The following RANBP17 variants were observed in gnomAD, a reference collection of about 807,000 sequenced individuals.
The protein encoded by RANBP17 is RAN binding protein 17.
In RANBP17, 158 loss-of-function variants were observed where a neutral mutation model predicts 141.2. The ratio of observed to expected loss-of-function variants is 1.12; its 90% CI spans 0.98 to 1.28. RANBP17 has a LOEUF of 1.28. Ranked by LOEUF, RANBP17 falls within the 50% of genes most tolerant of loss-of-function variation. The pLI is 0.00. For missense variants in RANBP17, 1,438 were observed against 1,290.7 expected (o/e 1.11, Z -1.75); for synonymous variants, 430 against 450.0 (o/e 0.96, Z 0.56).
intron 12 of RANBP17, among the ~76,000 whole-genome samples, chr5:170,929,591 T>A (rs775488685): frequency 1.3e-5 from 2 of 152,198 alleles, no homozygotes; most frequent in Non-Finnish European, 2.9e-5. Context: ...ATATAATGTT[T>A]CTTTAGAAAT....
chr5:170,868,794 T>G (rs1446796683), intron 1 of RANBP17, among the ~76,000 whole-genome samples: 2 of 152,208 alleles, frequency 1.3e-5, no homozygotes, highest in African/African-American at 4.8e-5. Flanking sequence ...AAAACTAAGA[T>G]GAAAATTTAT....
chr5:171,091,476 G>A (rs887876206), intron 14 of RANBP17, among the ~76,000 whole-genome samples: 6 of 152,208 alleles, frequency 3.9e-5, no homozygotes, highest in African/African-American at 1.4e-4. Context: ...ACTTTGGACT[G>A]TGGGCTTTTG....
intron 14 of RANBP17, among the ~76,000 whole-genome samples, chr5:171,127,322 C>T (rs1756548529): frequency 6.6e-6 from 1 of 152,116 alleles, no homozygotes; most frequent in Non-Finnish European, 1.5e-5. Context: ...AGGAATATAT[C>T]TCAACATAAG....
intron 14 of RANBP17, among the ~76,000 whole-genome samples, chr5:170,976,476 G>C (rs1206416185): frequency 6.6e-6 from 1 of 152,124 alleles, no homozygotes; most frequent in East Asian, 1.9e-4. Flanking sequence ...TGCAGGAATT[G>C]ACAAGCTTAT....
At chr5:171,103,007 C>T (rs771024293) in intron 14 of RANBP17, among the ~76,000 whole-genome samples, 19 of 152,140 alleles carry the variant, frequency 1.2e-4, no homozygotes, top group Non-Finnish European at 2.5e-4. Flanking sequence ...AGATGCGAGC[C>T]GGAGCTCTCC....
rs527631750 is a variant in RANBP17 at position 171,016,313 on chromosome 5, AT to A, written c.1710+47943del. On this transcript the variant is annotated intron_variant, in intron 14 of 27. Transcript: ENST00000523189. ...TACTCTATATTGGCACAAGTTTTAA[AT>A]TTTTTTGGAAAATTTTTCAAAATTT... 5.8e-3 allele frequency among the ~76,000 whole-genome samples: 885 copies of A among 151,756 alleles called. 8 individuals carry two copies. The highest frequency in any genetic ancestry group is 0.02 in the African/African-American group (844 of 41,426).
chr5:171,259,788 C>T (rs1426563589), intron 24 of RANBP17, among the ~76,000 whole-genome samples: 2 of 151,914 alleles, frequency 1.3e-5, no homozygotes, highest in Non-Finnish European at 2.9e-5. Context: ...TGAGACCAGC[C>T]TGGCCAACAT....
chr5:171,143,856 G>C lies in RANBP17; in HGVS notation c.1711-26274G>C, dbSNP rs144004395. Among the ~76,000 whole-genome samples, 567 of 152,282 alleles carry C rather than the reference G, an allele frequency of 3.7e-3. 2 individuals carry two copies. The highest frequency in any genetic ancestry group is 6.0e-3 in the Non-Finnish European group (410 of 68,016). On this transcript the variant is annotated intron_variant, in intron 14 of 27. Transcript: ENST00000523189. Reference sequence around the variant, plus strand: ...GATTTTGCCAGGTTGAAAAGGAGAGGATAATTATTCTCAGCTGAGGGAACA... The same window carrying C: ...GATTTTGCCAGGTTGAAAAGGAGAGCATAATTATTCTCAGCTGAGGGAACA...
intron 14 of RANBP17, chr5:170,968,639 A>G (rs1776767025): frequency 1.9e-6 from 1 of 525,148 alleles, no homozygotes; most frequent in East Asian, 4.6e-5. Flanking sequence ...TATTTTAAAC[A>G]CTAATCAATT....
chr5:171,080,382 C>T (rs1785194619), intron 14 of RANBP17, among the ~76,000 whole-genome samples: 1 of 152,144 alleles, frequency 6.6e-6, no homozygotes, highest in Admixed American at 6.5e-5. Context: ...TTTTTTTCCA[C>T]AGCTACAGTG....
chr5:170,965,454 T>C (rs1231757107), intron 13 of RANBP17, among the ~76,000 whole-genome samples: 1 of 152,214 alleles, frequency 6.6e-6, no homozygotes, highest in Non-Finnish European at 1.5e-5. Flanking sequence ...TTTGGTGTTT[T>C]AGAAATGAAG....
intron 22 of RANBP17, among the ~76,000 whole-genome samples, chr5:171,231,817 A>T (rs1764226490): frequency 6.6e-6 from 1 of 152,176 alleles, no homozygotes; most frequent in Non-Finnish European, 1.5e-5. Context: ...TAATGTTGGA[A>T]ATGATCTAAT....
rs189162095 is a variant in RANBP17, at chr5:171,256,481, C to T, written c.2777-9200C>T. On this transcript the variant is annotated intron_variant, in intron 24 of 27. Transcript: ENST00000523189. ...AAAAAGTGGAAAGATTACAAATTAA[C>T]AATCTGACAGTGCACCTCAGGGAGC... Among the ~76,000 whole-genome samples, 40 of 152,208 alleles carry T rather than the reference C, an allele frequency of 2.6e-4. 1 individual carries two copies. The highest frequency in any genetic ancestry group is 7.4e-5 in the Non-Finnish European group (5 of 67,986).
intron 5 of RANBP17, among the ~76,000 whole-genome samples, chr5:170,899,471 C>T (rs890224328): frequency 1.1e-4 from 16 of 152,206 alleles, no homozygotes; most frequent in Non-Finnish European, 1.2e-4. Flanking sequence ...CAAACAGAGA[C>T]AGTTTGACTT....
intron 5 of RANBP17, among the ~76,000 whole-genome samples, chr5:170,901,446 C>T (rs574395920): frequency 1.3e-5 from 2 of 152,280 alleles, no homozygotes; most frequent in South Asian, 4.1e-4. Context: ...CTGAATACAG[C>T]ATACTGATGG....
chr5:171,203,809 CAT>C (rs1401942466), intron 19 of RANBP17, among the ~76,000 whole-genome samples: 1 of 152,074 alleles, frequency 6.6e-6, no homozygotes, highest in Admixed American at 6.6e-5. Context: ...GTAGATATCT[CAT>C]GTGTATGTGG....
chr5:170,987,535 C>A (rs1255315903), intron 14 of RANBP17, among the ~76,000 whole-genome samples: 2 of 80,694 alleles, frequency 2.5e-5, no homozygotes, highest in African/African-American at 7.9e-5. Context: ...TTCAGATAGG[C>A]CTTTTTAAAA....
At position 171,125,296 on chromosome 5, in the gene RANBP17, C is replaced by CAAAA. The variant is rs3083436; in HGVS notation, c.1711-44818_1711-44815dup. 6.9e-3 allele frequency among the ~76,000 whole-genome samples: 590 copies of CAAAA among 85,846 alleles called. 9 individuals are homozygous for CAAAA. Among genetic ancestry groups the CAAAA allele is most frequent in the African/African-American group, 0.023 (510 of 22,376 alleles). The allele number at this position is 85,846 out of a possible 152,430, so 56.3% of individuals were successfully genotyped here. A position where few individuals can be genotyped will look rare whatever the true frequency, so the allele number is the denominator to read the frequency against. ...TGGGTGACAGAGTGAGACTATGTAT[C>CAAAA]AAAAAAAAAAAAAAAAAAAGAAAGT... is the stretch of plus-strand genomic sequence containing the variant. On this transcript the variant is annotated intron_variant, in intron 14 of 27. Coordinates refer to ENST00000523189, the MANE Select transcript of RANBP17 (RefSeq NM_022897.5).
chr5:171,252,873 C>T (rs765577737), intron 24 of RANBP17: 301 of 1,377,358 alleles, frequency 2.2e-4, no homozygotes, highest in Non-Finnish European at 2.8e-4. Context: ...TGTTTGATGA[C>T]GACATTGTAG....
Sources: allele counts gnomAD v4.1 joint callset (sites outside exome capture counted in the v4.1 genomes callset), GRCh38; gene constraint gnomAD v4.1.1; transcripts MANE v1.5; gene names NCBI Gene and HGNC (gene_info 2026-07-23, HGNC 2026-07-21).